Variants in CDKAL1 observed in about 807,000 individuals in gnomAD.
The protein encoded by CDKAL1 is CDKAL1 threonylcarbamoyladenosine tRNA methylthiotransferase, also known as threonylcarbamoyladenosine tRNA methylthiotransferase.
Under a neutral mutation model 68.2 loss-of-function variants are expected in CDKAL1, and 32 were observed. The ratio of observed to expected loss-of-function variants is 0.47; its 90% CI spans 0.35 to 0.63. The LOEUF is 0.63. CDKAL1 is among the 30% of genes least tolerant of loss of function. The pLI, the probability that CDKAL1 is intolerant of heterozygous loss-of-function variation, is 0.00. For synonymous variants in CDKAL1, 234 were observed against 244.3 expected, an observed-to-expected ratio of 0.96 and a Z score of 0.39; for missense variants, 606 against 696.7, an observed-to-expected ratio of 0.87 and a Z score of 1.47.
chr6:20,623,649 A>G lies in CDKAL1; in HGVS notation c.287-25644A>G, dbSNP rs563452659. Among the ~76,000 whole-genome samples, 21 of 152,214 alleles carry G rather than the reference A, an allele frequency of 1.4e-4. No homozygotes were observed. The South Asian group carries it at 4.3e-3, about 32-fold the overall frequency. ...AGTGAATCAAAGTTGGAGGGTAGTTATTTAATAGGGGAATATTTGTTGGTT... is the reference window on the plus strand; with the variant it reads ...AGTGAATCAAAGTTGGAGGGTAGTTGTTTAATAGGGGAATATTTGTTGGTT... On this transcript the variant is annotated intron_variant, in intron 4 of 15. Transcript: ENST00000274695.
At chr6:20,687,796 G>C (rs1328790112) in intron 5 of CDKAL1, among the ~76,000 whole-genome samples, 1 of 152,082 alleles carries the variant, frequency 6.6e-6, no homozygotes, top group Non-Finnish European at 1.5e-5. Context: ...ATAGTGCTAG[G>C]ATTATAGGCA....
chr6:20,898,972 G>C (rs1041328408), intron 9 of CDKAL1, among the ~76,000 whole-genome samples: 3 of 151,864 alleles, frequency 2.0e-5, no homozygotes, highest in Non-Finnish European at 4.4e-5. Flanking sequence ...AGAGTCAGGG[G>C]GCTGCGTGAC....
At chr6:20,789,254 T>A (rs1775801145) in intron 8 of CDKAL1, among the ~76,000 whole-genome samples, 1 of 152,238 alleles carries the variant, frequency 6.6e-6, no homozygotes, top group African/African-American at 2.4e-5. Context: ...TTATTTTCAC[T>A]AAAATATTAT....
At chr6:21,106,724 C>T (rs1160638338) in intron 12 of CDKAL1, among the ~76,000 whole-genome samples, 1 of 152,106 alleles carries the variant, frequency 6.6e-6, no homozygotes, top group Non-Finnish European at 1.5e-5. Flanking sequence ...AGGTTATATG[C>T]GAATTCTGCA....
intron 9 of CDKAL1, among the ~76,000 whole-genome samples, chr6:20,898,340 C>T (rs995359168): frequency 6.6e-6 from 1 of 150,460 alleles, no homozygotes; most frequent in Non-Finnish European, 1.5e-5. Context: ...AACCATGCCT[C>T]CTATGACATT....
chr6:21,091,149 G>C (rs1772988003), intron 12 of CDKAL1, among the ~76,000 whole-genome samples: 1 of 152,140 alleles, frequency 6.6e-6, no homozygotes, highest in South Asian at 2.1e-4. Flanking sequence ...GACAGATCTA[G>C]TTTCATTGTC....
chr6:20,869,612 C>CA (rs886639346), intron 9 of CDKAL1, among the ~76,000 whole-genome samples: 3 of 151,820 alleles, frequency 2.0e-5, no homozygotes, highest in Non-Finnish European at 2.9e-5. Flanking sequence ...TGGCTAAAAA[C>CA]AAAAAAATAG....
At chr6:20,957,292 A>C (rs901145043) in intron 10 of CDKAL1, among the ~76,000 whole-genome samples, 1 of 152,220 alleles carries the variant, frequency 6.6e-6, no homozygotes, top group Non-Finnish European at 1.5e-5. Flanking sequence ...GCTCTGAGGT[A>C]ACTAACCAAA....
At chr6:20,809,434 C>G (rs1776702819) in intron 8 of CDKAL1, among the ~76,000 whole-genome samples, 1 of 152,106 alleles carries the variant, frequency 6.6e-6, no homozygotes, top group Non-Finnish European at 1.5e-5. Context: ...TTGTAGCCAT[C>G]TGAGAGCAGA....
At chr6:20,732,263 C>CTTTCTTTTTTTTTTTTTTTTTTTT (rs1457615376) in intron 5 of CDKAL1, among the ~76,000 whole-genome samples, 2 of 83,484 alleles carry the variant, frequency 2.4e-5, no homozygotes, top group Non-Finnish European at 4.3e-5. Context: ...TTCTTTCTTT[C>CTTTCTTTTTTTTTTTTTTTTTTTT]TTTTTTTTTT....
At chr6:20,850,435 A>G (rs1758945480) in intron 9 of CDKAL1, among the ~76,000 whole-genome samples, 5 of 152,070 alleles carry the variant, frequency 3.3e-5, no homozygotes, top group Admixed American at 3.3e-4. Flanking sequence ...TCCAAATAGC[A>G]TATTTATCAG....
intron 5 of CDKAL1, among the ~76,000 whole-genome samples, chr6:20,655,453 C>T (rs1242441316): frequency 6.6e-6 from 1 of 152,112 alleles, no homozygotes; most frequent in Non-Finnish European, 1.5e-5. Flanking sequence ...GGGCTGTAGA[C>T]GTGTACTCGT....
intron 8 of CDKAL1, among the ~76,000 whole-genome samples, chr6:20,792,695 G>C (rs1775948359): frequency 6.6e-6 from 1 of 152,102 alleles, no homozygotes; most frequent in Admixed American, 6.5e-5. Flanking sequence ...TTGGTGGTCT[G>C]TTTTATTCAT....
At chr6:20,997,054 C>G (rs1299893282) in intron 10 of CDKAL1, among the ~76,000 whole-genome samples, 2 of 152,150 alleles carry the variant, frequency 1.3e-5, no homozygotes, top group African/African-American at 4.8e-5. Context: ...AGTTGTAACC[C>G]ATATCTGTAT....
intron 5 of CDKAL1, among the ~76,000 whole-genome samples, chr6:20,660,546 T>A (rs1482897893): frequency 6.6e-6 from 1 of 152,216 alleles, no homozygotes; most frequent in Non-Finnish European, 1.5e-5. Flanking sequence ...ATCTCCCTTC[T>A]TGGAGTAGTC....
intron 4 of CDKAL1, among the ~76,000 whole-genome samples, chr6:20,605,575 A>G (rs1766298255): frequency 6.6e-6 from 1 of 151,906 alleles, no homozygotes; most frequent in African/African-American, 2.4e-5. Flanking sequence ...GTTGCTGGAT[A>G]TTTTTGTGTT....
At chr6:20,643,725 G>A (rs1222087744) in intron 4 of CDKAL1, among the ~76,000 whole-genome samples, 1 of 152,142 alleles carries the variant, frequency 6.6e-6, no homozygotes, top group Non-Finnish European at 1.5e-5. Context: ...AATTGAGAAA[G>A]GAAAAGTTTA....
At chr6:21,069,852 C>T (rs1224665291) in intron 12 of CDKAL1, among the ~76,000 whole-genome samples, 1 of 132,396 alleles carries the variant, frequency 7.6e-6, no homozygotes, top group East Asian at 2.8e-4. Context: ...TGCAGTGGCG[C>T]CATCTCAGCT....
intron 12 of CDKAL1, among the ~76,000 whole-genome samples, chr6:21,104,954 T>A (rs1473422875): frequency 6.6e-6 from 1 of 152,250 alleles, no homozygotes; most frequent in Non-Finnish European, 1.5e-5. Context: ...CTGATAAGCC[T>A]CAGTTCTTGG....
Sources: gnomAD v4.1 joint callset for allele counts (sites outside exome capture counted in the v4.1 genomes callset) on GRCh38, gnomAD v4.1.1 for gene constraint, MANE v1.5 for transcripts, NCBI Gene and HGNC (gene_info 2026-07-23, HGNC 2026-07-21) for gene names.